DOCK2: variants seen among roughly 807,000 people sequenced by gnomAD.
DOCK2 encodes dedicator of cytokinesis protein 2.
Under a neutral mutation model 248.9 loss-of-function variants are expected in DOCK2, and 87 were observed. The ratio of observed to expected loss-of-function variants is 0.35; its 90% CI spans 0.29 to 0.42. The LOEUF (loss-of-function observed/expected upper bound fraction) is 0.42, where lower values mean the gene tolerates loss of function less well. Among genes scored for constraint, DOCK2 ranks in the 10% least tolerant of loss-of-function variants. The pLI, the probability that DOCK2 is intolerant of heterozygous loss-of-function variation, is 1.00. For missense variants in DOCK2, 1,747 were observed against 2,300.2 expected (o/e 0.76, Z 4.92); for synonymous variants, 805 against 821.6 (o/e 0.98, Z 0.35).
chr5:169,874,229 A>G (rs1772168480), intron 27 of DOCK2, among the ~76,000 whole-genome samples: 1 of 152,042 alleles, frequency 6.6e-6, no homozygotes, highest in South Asian at 2.1e-4. Flanking sequence ...CCTGGCCAAC[A>G]TGGTGAAACC....
rs1239140793 is a variant in DOCK2, at chr5:169,782,522, T to C, written c.2555-20536T>C. 2.6e-5 allele frequency among the ~76,000 whole-genome samples: 4 copies of C among 151,464 alleles called. No individual in the cohort carries two copies. In the East Asian group the frequency reaches 7.8e-4, roughly 29 times the overall value. On this transcript the variant is annotated intron_variant, in intron 25 of 51. Coordinates refer to ENST00000520908, the MANE Select transcript of DOCK2 (RefSeq NM_004946.3). ...TTAGTTTTTTTTTTTTTTTTTTAAT[T>C]TCTTGATTCATCCTGGGAAATGGGT... is the stretch of plus-strand genomic sequence containing the variant.
At chr5:169,682,448 AC>A (rs1272794493) in intron 7 of DOCK2, among the ~76,000 whole-genome samples, 1 of 152,212 alleles carries the variant, frequency 6.6e-6, no homozygotes, top group Non-Finnish European at 1.5e-5. Flanking sequence ...GGTGTGGTGA[AC>A]ACCAGGGGAG....
At chr5:169,880,263 A>C (rs1195382432) in intron 27 of DOCK2, among the ~76,000 whole-genome samples, 1 of 152,184 alleles carries the variant, frequency 6.6e-6, no homozygotes, top group Non-Finnish European at 1.5e-5. Context: ...TAAGGAGCTG[A>C]TGGGTTCAAT....
At chr5:170,032,944 C>G (rs547854293) in intron 34 of DOCK2, among the ~76,000 whole-genome samples, 1 of 152,038 alleles carries the variant, frequency 6.6e-6, no homozygotes, top group Admixed American at 6.6e-5. Context: ...CCTGGGAACA[C>G]GCTCTGGTGT....
At chr5:169,700,778 T>C (rs2113465580) in intron 13 of DOCK2, among the ~76,000 whole-genome samples, 1 of 152,038 alleles carries the variant, frequency 6.6e-6, no homozygotes, top group Non-Finnish European at 1.5e-5. Context: ...AAAATCAAAA[T>C]GGAGTCAGCT....
At chr5:169,890,714 A>G (rs1773231149) in intron 27 of DOCK2, among the ~76,000 whole-genome samples, 3 of 152,180 alleles carry the variant, frequency 2.0e-5, no homozygotes, top group South Asian at 4.1e-4. Flanking sequence ...CCAGACTTAT[A>G]TATTTGGGAC....
At chr5:170,034,249 G>A in intron 34 of DOCK2, 150 bp from the exon 35 acceptor site, 1 of 963,506 alleles carries the variant, frequency 1.0e-6, no homozygotes, top group Non-Finnish European at 1.5e-6. Flanking sequence ...GCACTATATG[G>A]ATAAATACAT....
intron 27 of DOCK2, among the ~76,000 whole-genome samples, chr5:169,886,567 A>G (rs991969213): frequency 1.3e-5 from 2 of 152,292 alleles, no homozygotes; most frequent in Non-Finnish European, 2.9e-5. Flanking sequence ...ATTAATAGTA[A>G]CAAATATGTA....
At chr5:169,679,629 G>A (rs938674517) in intron 6 of DOCK2, among the ~76,000 whole-genome samples, 7 of 152,216 alleles carry the variant, frequency 4.6e-5, no homozygotes, top group Non-Finnish European at 1.0e-4. Context: ...ATGTATCAGC[G>A]ATGCTCCATC....
At chr5:169,653,365 T>G (rs1438445116) in intron 1 of DOCK2, among the ~76,000 whole-genome samples, 1 of 152,218 alleles carries the variant, frequency 6.6e-6, no homozygotes, top group Non-Finnish European at 1.5e-5. Context: ...CAATAATGCC[T>G]ACTTTAAAAG....
At chr5:169,812,024 G>A (rs185453684) in intron 26 of DOCK2, among the ~76,000 whole-genome samples, 1 of 152,324 alleles carries the variant, frequency 6.6e-6, no homozygotes, top group African/African-American at 2.4e-5. Flanking sequence ...TAGCTCTGCT[G>A]TTATTAGCTG....
intron 27 of DOCK2, among the ~76,000 whole-genome samples, chr5:169,893,994 T>C (rs1773445758): frequency 6.6e-6 from 1 of 152,232 alleles, no homozygotes; most frequent in Non-Finnish European, 1.5e-5. Context: ...CTTTCCATTC[T>C]GAAGGGACCT....
chr5:169,787,013 T>A (rs1288069170), intron 25 of DOCK2, among the ~76,000 whole-genome samples: 3 of 152,224 alleles, frequency 2.0e-5, no homozygotes, highest in Non-Finnish European at 4.4e-5. Flanking sequence ...GGTATGCTGA[T>A]CTAAGTGCTT....
intron 27 of DOCK2, among the ~76,000 whole-genome samples, chr5:169,966,003 C>A (rs1453858523): frequency 1.3e-5 from 2 of 152,222 alleles, no homozygotes; most frequent in East Asian, 3.9e-4. Flanking sequence ...CTAGGTTTCC[C>A]TAGGATGAAC....
At chr5:169,725,675 G>A (rs1041878650) in intron 22 of DOCK2, among the ~76,000 whole-genome samples, 2 of 134,870 alleles carry the variant, frequency 1.5e-5, no homozygotes, top group African/African-American at 5.6e-5. Flanking sequence ...ACCCCCGACA[G>A]GCCCCGGTGT....
At chr5:169,733,968 T>C (rs1762911728) in intron 22 of DOCK2, among the ~76,000 whole-genome samples, 1 of 152,198 alleles carries the variant, frequency 6.6e-6, no homozygotes, top group South Asian at 2.1e-4. Flanking sequence ...CTTTTTTAAA[T>C]ATTCACATTT....
rs554605771 is a variant in DOCK2 at position 169,919,652 on chromosome 5, G to T, written c.2800-63416G>T. On this transcript the variant is annotated intron_variant, in intron 27 of 51. Coordinates refer to ENST00000520908, the MANE Select transcript of DOCK2 (RefSeq NM_004946.3). Reference sequence around the variant, plus strand: ...GTATTTTTGTGACAGTTATCGTGGGGTCTTTTGCTTTGGTTTGTGTCATTG... The same window carrying T: ...GTATTTTTGTGACAGTTATCGTGGGTTCTTTTGCTTTGGTTTGTGTCATTG... Among the ~76,000 whole-genome samples the T allele has an allele frequency of 5.9e-5, 9 of 152,278 alleles. No homozygotes were observed. The South Asian group carries it at 1.9e-3, about 32-fold the overall frequency.
chr5:169,805,476 A>G (rs1034212420), intron 26 of DOCK2, among the ~76,000 whole-genome samples: 1 of 152,236 alleles, frequency 6.6e-6, no homozygotes, highest in Admixed American at 6.5e-5. Context: ...AGTAATGCTC[A>G]GATCCCTTTA....
intron 27 of DOCK2, among the ~76,000 whole-genome samples, chr5:169,967,039 G>T (rs921568704): frequency 6.6e-6 from 1 of 152,228 alleles, no homozygotes; most frequent in Non-Finnish European, 1.5e-5. Context: ...TAATGGTGAA[G>T]TACCTCCTAT....
Sources: gnomAD v4.1 joint callset for allele counts (sites outside exome capture counted in the v4.1 genomes callset) on GRCh38, gnomAD v4.1.1 for gene constraint, MANE v1.5 for transcripts, NCBI Gene and HGNC (gene_info 2026-07-23, HGNC 2026-07-21) for gene names.